The following SBF2 variants were observed in gnomAD, a reference collection of about 807,000 sequenced individuals.
The protein encoded by SBF2 is SET binding factor 2, also known as myotubularin-related protein 13.
A neutral mutation model predicts 225.2 loss-of-function variants in SBF2; 112 were observed. The observed-to-expected ratio is 0.50, with a 90% confidence interval of 0.43 to 0.58. SBF2 has a LOEUF of 0.58. Among genes scored for constraint, SBF2 ranks in the 20% least tolerant of loss-of-function variants. SBF2 has a pLI of 0.00. For synonymous variants in SBF2, 763 were observed against 773.3 expected, an observed-to-expected ratio of 0.99 and a Z score of 0.22; for missense variants, 1,996 against 2,206.2, an observed-to-expected ratio of 0.90 and a Z score of 1.91.
At chr11:9,993,396 C>G (rs1044289038) in intron 10 of SBF2, among the ~76,000 whole-genome samples, 1 of 152,156 alleles carries the variant, frequency 6.6e-6, no homozygotes, top group African/African-American at 2.4e-5. Context: ...ATGTGTTCAG[C>G]TCCCTGAGGT....
intron 6 of SBF2, among the ~76,000 whole-genome samples, chr11:10,020,614 C>T (rs1477892507): frequency 6.6e-6 from 1 of 152,152 alleles, no homozygotes; most frequent in Non-Finnish European, 1.5e-5. Context: ...CTCACTCTGC[C>T]TTAGGCCCCT....
At chr11:10,173,400 G>T (rs1365906565) in intron 2 of SBF2, among the ~76,000 whole-genome samples, 2 of 152,214 alleles carry the variant, frequency 1.3e-5, no homozygotes, top group Non-Finnish European at 2.9e-5. Context: ...AGGGGTGACA[G>T]ATGGCACCTG....
intron 29 of SBF2, among the ~76,000 whole-genome samples, chr11:9,813,225 C>A (rs1437045114): frequency 6.6e-6 from 1 of 152,026 alleles, no homozygotes; most frequent in Non-Finnish European, 1.5e-5. Flanking sequence ...TCTTATTATG[C>A]AAGTAAAACA....
chr11:9,959,800 C>T (rs1329120382), intron 16 of SBF2: 1 of 614,456 alleles, frequency 1.6e-6, no homozygotes, highest in African/African-American at 1.8e-5. Flanking sequence ...GGAAGGTGTT[C>T]TGGGCACTGA....
Position 10,294,186 on chromosome 11 carries a change from G to A in SBF2, c.-117C>T, listed in dbSNP as rs2133632497. The stretch of plus-strand genomic sequence containing the variant: ...CAGCGGCAGTAGCGGCAGCGGCAGC[G>A]CTTCAGCCATGTTTGACAACCGAGG... On this transcript the variant is annotated 5_prime_UTR_variant, in exon 1 of 40. Transcript: ENST00000256190. The A allele has an allele frequency of 2.6e-6, 2 of 777,648 alleles. No homozygotes were observed. Among genetic ancestry groups the A allele is most frequent in the Middle Eastern group, 4.4e-4 (1 of 2,262 alleles). 48.2% of individuals were successfully genotyped at this position (777,648 alleles called of 1,614,324 possible).
chr11:9,803,061 T>G (rs1853583168), intron 32 of SBF2, among the ~76,000 whole-genome samples: 1 of 152,230 alleles, frequency 6.6e-6, no homozygotes, highest in African/African-American at 2.4e-5. Flanking sequence ...AGATTTGAAG[T>G]CATACTGATA....
intron 1 of SBF2, among the ~76,000 whole-genome samples, chr11:10,195,008 A>G (rs1436970833): frequency 2.6e-5 from 4 of 152,216 alleles, no homozygotes; most frequent in Non-Finnish European, 5.9e-5. Context: ...TGGCACTGCT[A>G]GCACTAAGTT....
intron 16 of SBF2, among the ~76,000 whole-genome samples, chr11:9,917,468 A>C (rs1863195951): frequency 6.6e-6 from 1 of 151,432 alleles, no homozygotes; most frequent in Non-Finnish European, 1.5e-5. Context: ...AGTAGCTGGG[A>C]TTACAGGCAC....
At chr11:10,031,261 T>G (rs914419394) in intron 3 of SBF2, 91 bp from the exon 4 acceptor site, 1 of 1,210,482 alleles carries the variant, frequency 8.3e-7, no homozygotes, top group South Asian at 1.4e-5. Context: ...ATATAACTTA[T>G]GCAAATTCAA....
Position 9,853,435 on chromosome 11 carries a change from A to AAAT in SBF2, c.2536+102_2536+104dup, listed in dbSNP as rs1564917412. On this transcript the variant is annotated intron_variant, in intron 20 of 39. Transcript: ENST00000256190. The stretch of plus-strand genomic sequence containing the variant: ...TTTAAAAACTAATCAGAAAATAAAT[A>AAAT]AATAGCATGGCTGAACTATAATGGA... 6 of 983,606 alleles carry AAAT rather than the reference A, an allele frequency of 6.1e-6. No homozygotes were observed. In the Admixed American group the frequency reaches 1.1e-4, roughly 18 times the overall value. 60.9% of individuals were successfully genotyped at this position (983,606 alleles called of 1,614,324 possible).
intron 28 of SBF2, among the ~76,000 whole-genome samples, chr11:9,818,946 T>C (rs1279298609): frequency 1.3e-5 from 2 of 152,144 alleles, no homozygotes; most frequent in African/African-American, 4.8e-5. Flanking sequence ...GGTCTTGAAC[T>C]CCCGACCTCA....
intron 2 of SBF2, among the ~76,000 whole-genome samples, chr11:10,046,266 C>T (rs1052639989): frequency 6.6e-6 from 1 of 152,100 alleles, no homozygotes; most frequent in African/African-American, 2.4e-5. Flanking sequence ...AAAGGGAATA[C>T]CTTCTTCATT....
intron 13 of SBF2, among the ~76,000 whole-genome samples, chr11:9,978,561 A>T (rs757343373): frequency 3.3e-5 from 5 of 152,226 alleles, no homozygotes; most frequent in Non-Finnish European, 7.3e-5. Context: ...CTTAATAATA[A>T]TACTTCACGA....
chr11:10,226,982 A>T (rs545316961), intron 1 of SBF2, among the ~76,000 whole-genome samples: 1 of 152,192 alleles, frequency 6.6e-6, no homozygotes, highest in South Asian at 2.1e-4. Flanking sequence ...CCTCTCCAGC[A>T]CCTGTTGTTT....
Position 10,303,485 on chromosome 11 carries a change from CCA to C in SBF2, n.386+1005_386+1006del, listed in dbSNP as rs1964617144. On this transcript the variant is annotated intron_variant and non_coding_transcript_variant, in intron 1 of 5. Coordinates refer to the SBF2 transcript ENST00000685217. The surrounding 1 kb of genome is among the most constrained non-coding windows in gnomAD (Gnocchi z 5.2). ...GCCAGCAGTGCGCGGCCCAGACAGA[CCA>C]CTCTGGGCAAGGTCCGCGCGACCCA... 1 of 152,280 alleles carries C rather than the reference CCA, an allele frequency of 6.6e-6. No individual in the cohort carries two copies. The highest frequency in any genetic ancestry group is 1.5e-5 in the Non-Finnish European group (1 of 68,096). 9.4% of individuals were successfully genotyped at this position (152,280 alleles called of 1,614,324 possible). A position where few individuals can be genotyped will look rare whatever the true frequency, so the allele number is the denominator to read the frequency against.
At chr11:10,158,013 A>C (rs904445953) in intron 2 of SBF2, among the ~76,000 whole-genome samples, 5 of 152,252 alleles carry the variant, frequency 3.3e-5, no homozygotes, top group African/African-American at 1.2e-4. Context: ...ATTGGTATGA[A>C]ATTAGAAATC....
At chr11:9,944,887 C>T (rs1369131958) in intron 16 of SBF2, among the ~76,000 whole-genome samples, 1 of 152,128 alleles carries the variant, frequency 6.6e-6, no homozygotes, top group Non-Finnish European at 1.5e-5. Flanking sequence ...AGGAGGAATG[C>T]TTGAGGCCAA....
At chr11:9,988,115 T>TA (rs1947273969) in intron 13 of SBF2, among the ~76,000 whole-genome samples, 1 of 152,294 alleles carries the variant, frequency 6.6e-6, no homozygotes, top group Admixed American at 6.5e-5. Flanking sequence ...CCTAAATACT[T>TA]ACAGCCAACT....
At chr11:9,798,487 T>C (rs1031299395) in intron 32 of SBF2, among the ~76,000 whole-genome samples, 8 of 152,168 alleles carry the variant, frequency 5.3e-5, no homozygotes, top group Non-Finnish European at 8.8e-5. Context: ...AAATCTGCAG[T>C]GTGCTCAGGC....
Sources: allele counts gnomAD v4.1 joint callset (sites outside exome capture counted in the v4.1 genomes callset), GRCh38; gene constraint gnomAD v4.1.1; non-coding constraint Gnocchi (gnomAD v3.1); transcripts MANE v1.5; gene names NCBI Gene and HGNC (gene_info 2026-07-23, HGNC 2026-07-21).